The following DUOX1 variants were observed in gnomAD, a reference collection of about 807,000 sequenced individuals.
The protein encoded by DUOX1 is NADPH thyroid oxidase 1.
Under a neutral mutation model 181.8 loss-of-function variants are expected in DUOX1, and 134 were observed. The observed-to-expected ratio is 0.74, with a 90% CI of 0.64 to 0.85. DUOX1 has a LOEUF of 0.85. Among genes scored for constraint, DUOX1 ranks in the 40% least tolerant of loss-of-function variants. DUOX1 has a pLI of 0.00. For missense variants in DUOX1, 1,814 were observed against 2,064.4 expected, an observed-to-expected ratio of 0.88 and a Z score of 2.35; for synonymous variants, 798 against 832.5, an observed-to-expected ratio of 0.96 and a Z score of 0.71.
chr15:45,144,957 G>T lies in DUOX1; in HGVS notation c.2199G>T (p.Leu733=). 1.2e-6 allele frequency: 2 copies of T among 1,613,902 alleles called. No homozygotes were observed. Among genetic ancestry groups the T allele is most frequent in the Non-Finnish European group, 1.7e-6 (2 of 1,179,966 alleles). The change falls in exon 18 of 34, where the codon CTG becomes CTT. Residue 733 remains leucine, a synonymous_variant. Coordinates refer to ENST00000389037, the MANE Select transcript of DUOX1 (RefSeq NM_175940.3). The part of the protein sequence containing the change: ...QALVENLRGA[L]KESGLSIQEW... ...TGGTGGAAAATCTCCGGGGAGCTCT[G>T]AAGGAGAGCGGGTTGAGCATCCAGG...
In DUOX1 at chr15:45,150,601, A is replaced by C. The variant is rs1431793705; in HGVS notation, c.2819-31A>C. ...AGGTCTTCCTGGGCTCTGGACCCTG[A>C]GCTGCTCCCTAGCCTGGCTCTGCTT... On this transcript the variant is annotated intron_variant, in intron 21 of 33. Transcript: ENST00000389037. 1.9e-6 allele frequency: 3 copies of C among 1,610,600 alleles called. No homozygotes were observed. In the Admixed American group the frequency reaches 5.0e-5, roughly 27 times the overall value.
intron 15 of DUOX1, 79 bp from the exon 16 acceptor site, chr15:45,143,111 A>G: frequency 9.3e-7 from 1 of 1,073,582 alleles, no homozygotes; most frequent in Non-Finnish European, 1.4e-6. Context: ...TGGTATTGCC[A>G]GGTAAGGAGC....
At chr15:45,137,360 CAAAAAAA>C (rs748162336) in intron 9 of DUOX1, among the ~76,000 whole-genome samples, 3 of 46,472 alleles carry the variant, frequency 6.5e-5, no homozygotes, top group African/African-American at 1.9e-4. Flanking sequence ...AACTCCATCT[CAAAAAAA>C]AAAAAAAAAA....
intron 4 of DUOX1, among the ~76,000 whole-genome samples, chr15:45,134,697 G>T (rs190803601): frequency 6.6e-6 from 1 of 152,316 alleles, no homozygotes; most frequent in Non-Finnish European, 1.5e-5. Context: ...CTCAGGGCAG[G>T]GTTCTGATTC....
intron 27 of DUOX1, among the ~76,000 whole-genome samples, chr15:45,154,864 C>G (rs115515742): frequency 0.027 from 4,090 of 152,312 alleles, 183 homozygotes; most frequent in African/African-American, 0.092. Context: ...TATTATCCCC[C>G]TGTATACCCA....
Position 45,141,343 on chromosome 15 carries a change from C to T in DUOX1, c.1617C>T (p.Asp539=), listed in dbSNP as rs377634050. The part of the protein sequence containing the change: ...IEEIRNTTLQ[D]VLVAVINIDP... ...AAATCCGAAATACCACCCTGCAGGA[C>T]GTGCTGGTCGCTGTTATCAACATTG... The change falls in exon 14 of 34, where the codon GAC becomes GAT. Residue 539 remains aspartate (D), a synonymous_variant. Coordinates refer to ENST00000389037, the MANE Select transcript of DUOX1 (RefSeq NM_175940.3). 93 of 1,614,140 alleles carry T rather than the reference C, an allele frequency of 5.8e-5. 1 individual carries two copies. Among genetic ancestry groups the T allele is most frequent in the African/African-American group, 2.8e-4 (21 of 74,944 alleles).
chr15:45,163,471 C>T, intron 31 of DUOX1, 61 bp from the exon 32 acceptor site: 2 of 1,604,152 alleles, frequency 1.2e-6, no homozygotes. Context: ...AGTATGGACA[C>T]CCCTGGGGTT....
chr15:45,139,350 T>C (rs945581945), intron 11 of DUOX1, 77 bp from the exon 12 acceptor site: 1 of 1,589,410 alleles, frequency 6.3e-7, no homozygotes, highest in Admixed American at 1.8e-5. Context: ...CTGGGGCTGG[T>C]TGGAGCTTGG....
intron 9 of DUOX1, 119 bp downstream of exon 9, chr15:45,136,744 A>C: frequency 2.3e-6 from 2 of 888,500 alleles, no homozygotes; most frequent in Non-Finnish European, 1.8e-6. Context: ...CAAGGGAAAG[A>C]CCGATAGAGA....
chr15:45,143,440 G>A lies in DUOX1; in HGVS notation c.1936+137G>A, dbSNP rs1896560332. The A allele has an allele frequency of 9.0e-6, 6 of 668,900 alleles. No individual in the cohort carries two copies. In the South Asian group the frequency reaches 1.1e-4, roughly 13 times the overall value. 41.4% of individuals were successfully genotyped at this position (668,900 alleles called of 1,614,324 possible). On this transcript the variant is annotated intron_variant, in intron 16 of 33. Coordinates refer to ENST00000389037, the MANE Select transcript of DUOX1 (RefSeq NM_175940.3). ...GGCAAGGCCACAGTGGCATTAAGCA[G>A]AAGTTGGACATGGAGTCCTGCAGCC...
At chr15:45,163,271 CCCACA>C (rs762102009) in intron 31 of DUOX1, among the ~76,000 whole-genome samples, 3 of 152,184 alleles carry the variant, frequency 2.0e-5, no homozygotes, top group Non-Finnish European at 4.4e-5. Context: ...TGCTTCCCAC[CCCACA>C]GACCATCAGC....
intron 11 of DUOX1, 62 bp from the exon 12 acceptor site, chr15:45,139,365 T>A: frequency 6.3e-7 from 1 of 1,593,482 alleles, no homozygotes; most frequent in South Asian, 1.1e-5. Flanking sequence ...GCTTGGGGCC[T>A]GGACTGGACA....
chr15:45,147,283 C>T (rs184419497), intron 18 of DUOX1, 150 bp from the exon 19 acceptor site: 4 of 1,019,472 alleles, frequency 3.9e-6, no homozygotes, highest in East Asian at 5.2e-5. Flanking sequence ...TTCTGTAGAA[C>T]AAACATGGCC....
intron 29 of DUOX1, among the ~76,000 whole-genome samples, chr15:45,161,230 G>A (rs951672497): frequency 1.3e-5 from 2 of 151,162 alleles, no homozygotes; most frequent in Admixed American, 6.6e-5. Flanking sequence ...TGGCCAACAT[G>A]GTGAAACCCT....
In DUOX1 at chr15:45,135,489, G is replaced by T; in HGVS notation, c.511G>T (p.Gly171Cys). The change falls in exon 6 of 34, where the codon GGC becomes TGC. Residue 171 changes from glycine to cysteine, a missense_variant. By Grantham distance (159) the Gly-to-Cys change is radical. Around this residue, in one of 5 missense-constraint regions of DUOX1, gnomAD observed 320 missense variants for 313.1 expected, o/e 1.02. Transcript: ENST00000389037. The stretch of plus-strand genomic sequence containing the variant: ...TGCCCCGCAGGCCAACCAGGTGACG[G>T]GCTGGCTGGACGGCAGCGCCATCTA... ...NPRDPANQVTGWLDGSAIYGS... is the reference protein window; with the variant it reads ...NPRDPANQVTCWLDGSAIYGS... 1 of 1,555,006 alleles carries T rather than the reference G, an allele frequency of 6.4e-7. No homozygotes were observed. The highest frequency in any genetic ancestry group is 1.2e-5 in the South Asian group (1 of 84,476).
Position 45,162,219 on chromosome 15 carries a change from C to T in DUOX1, c.4090C>T (p.Leu1364=). ...TGDRCARYPK[L]YLDGPFGEGH... ...CTGAAACCCACGCCCCTCCCTACAGCTGTACCTTGATGGACCATTTGGAGA... is the reference window on the plus strand; with the variant it reads ...CTGAAACCCACGCCCCTCCCTACAGTTGTACCTTGATGGACCATTTGGAGA... The change falls in exon 31 of 34, where the codon CTG becomes TTG. Residue 1364 remains leucine (L), a splice_region_variant and synonymous_variant. Transcript: ENST00000389037. The T allele has an allele frequency of 6.2e-7, 1 of 1,607,496 alleles. No individual in the cohort carries two copies.
rs150824079 is a variant in DUOX1, at chr15:45,135,154, G to A, written c.358G>A (p.Ala120Thr). Residue 120 changes from alanine (A) to threonine (T), a missense_variant, in exon 5 of 34, where the codon GCC becomes ACC. Around this residue, in one of 5 missense-constraint regions of DUOX1, gnomAD observed 320 missense variants for 313.1 expected, o/e 1.02. Transcript: ENST00000389037. ...GAGCGTGGAAACTCCCGGCTGCCCC[G>A]CCGAGTTCCTCAACATTCGCATCCC... is the stretch of plus-strand genomic sequence containing the variant. Reference protein sequence around the residue: ...LVSVETPGCPAEFLNIRIPPG... With the variant: ...LVSVETPGCPTEFLNIRIPPG... 110 of 1,613,756 alleles carry A rather than the reference G, an allele frequency of 6.8e-5. No individual in the cohort carries two copies. In the Middle Eastern group the frequency reaches 3.0e-3, roughly 44 times the overall value.
At chr15:45,139,260 T>C in intron 11 of DUOX1, 92 bp downstream of exon 11, 1 of 1,606,556 alleles carries the variant, frequency 6.2e-7, no homozygotes, top group East Asian at 2.2e-5. Flanking sequence ...AGGGGGTGCC[T>C]GGGGCTGGGA....
chr15:45,147,079 G>A (rs995469614), intron 18 of DUOX1, among the ~76,000 whole-genome samples: 4 of 152,202 alleles, frequency 2.6e-5, no homozygotes, highest in African/African-American at 4.8e-5. Flanking sequence ...CCTAGAAAAG[G>A]AAAGCTGTCA....
Sources: allele counts gnomAD v4.1 joint callset (sites outside exome capture counted in the v4.1 genomes callset), GRCh38; gene constraint gnomAD v4.1.1; regional missense constraint gnomAD v4.1.1; transcripts MANE v1.5; gene names NCBI Gene and HGNC (gene_info 2026-07-23, HGNC 2026-07-21).